Variants in SMG6 observed in about 807,000 individuals in gnomAD.
The protein encoded by SMG6 is telomerase-binding protein EST1A.
In SMG6, 66 loss-of-function variants were observed where a neutral mutation model predicts 142.2. The observed-to-expected ratio is 0.46, with a 90% CI of 0.38 to 0.57. The LOEUF (loss-of-function observed/expected upper bound fraction) is 0.57. SMG6 is among the 20% of genes least tolerant of loss of function. The pLI, the probability that SMG6 is intolerant of heterozygous loss-of-function variation, is 0.00. For missense variants in SMG6, 1,793 were observed against 1,832.0 expected (o/e 0.98, Z 0.39); for synonymous variants, 779 against 702.4 (o/e 1.11, Z -1.72).
At chr17:2,179,999 C>T (rs2071757546) in intron 12 of SMG6, among the ~76,000 whole-genome samples, 1 of 152,210 alleles carries the variant, frequency 6.6e-6, no homozygotes, top group Admixed American at 6.5e-5. Flanking sequence ...AACTAGAAAT[C>T]AGGATAAGTG....
chr17:2,175,046 C>G (rs1047393575), intron 12 of SMG6, among the ~76,000 whole-genome samples: 1 of 152,176 alleles, frequency 6.6e-6, no homozygotes, highest in Non-Finnish European at 1.5e-5. Context: ...TCAGGGCCGC[C>G]TCCGAGGTTA....
chr17:2,243,403 G>A (rs543262735), intron 9 of SMG6, among the ~76,000 whole-genome samples: 4 of 152,310 alleles, frequency 2.6e-5, no homozygotes, highest in South Asian at 2.1e-4. Context: ...CTTCTAGGCC[G>A]GGCGTGGTGG....
Position 2,061,380 on chromosome 17 carries a change from A to T in SMG6, c.*112T>A. 1 of 1,077,082 alleles carries T rather than the reference A, an allele frequency of 9.3e-7. No homozygotes were observed. Among genetic ancestry groups the T allele is most frequent in the Non-Finnish European group, 1.3e-6 (1 of 757,344 alleles). The allele number at this position is 1,077,082 out of a possible 1,614,324, so 66.7% of individuals were successfully genotyped here. ...GGCGTGGGTTGGAAGAGGATGGTTT[A>T]TTGTCTGGGTGGATTGGTGGCTCAG... On this transcript the variant is annotated 3_prime_UTR_variant, in exon 19 of 19. Coordinates refer to ENST00000263073, the MANE Select transcript of SMG6 (RefSeq NM_017575.5).
chr17:2,244,872 C>A, intron 8 of SMG6, 153 bp from the exon 9 acceptor site: 1 of 639,010 alleles, frequency 1.6e-6, no homozygotes, highest in Non-Finnish European at 2.8e-6. Flanking sequence ...CTCTCACAGA[C>A]CCAGGGCACA....
At chr17:2,283,785 C>A (rs775881167) in intron 6 of SMG6, 50 bp from the exon 7 acceptor site, 24 of 1,449,638 alleles carry the variant, frequency 1.7e-5, no homozygotes, top group Middle Eastern at 3.5e-4. Context: ...CGTCCTAACT[C>A]CAGCAAGAGG....
At chr17:2,061,895 G>A in intron 18 of SMG6, 2 of 409,990 alleles carry the variant, frequency 4.9e-6, no homozygotes, top group Non-Finnish European at 9.2e-6. Context: ...AAACCCGTCA[G>A]CCTCCCAGGA....
rs2074623521 is a variant in SMG6 at position 2,275,253 on chromosome 17, C to G, written c.2661+7394G>C. On this transcript the variant is annotated intron_variant, in intron 8 of 18. Transcript: ENST00000263073. Reference sequence around the variant, plus strand: ...CCTGGCCAACATGGTGAAACCCCATCTCTACTAACAATACAAAAATCAGCT... The same window carrying G: ...CCTGGCCAACATGGTGAAACCCCATGTCTACTAACAATACAAAAATCAGCT... 1.3e-5 allele frequency among the ~76,000 whole-genome samples: 2 copies of G among 152,214 alleles called. 1 individual carries two copies. Among genetic ancestry groups the G allele is most frequent in the Middle Eastern group, 6.8e-3 (2 of 294 alleles).
At chr17:2,261,240 G>T (rs560986290) in intron 8 of SMG6, among the ~76,000 whole-genome samples, 1 of 152,028 alleles carries the variant, frequency 6.6e-6, no homozygotes, top group Non-Finnish European at 1.5e-5. Flanking sequence ...CTTGAACCCG[G>T]GAGGCGGAGC....
chr17:2,127,741 T>C (rs2069948027), intron 13 of SMG6: 3 of 560,258 alleles, frequency 5.4e-6, no homozygotes, highest in Admixed American at 1.9e-5. Flanking sequence ...TTTTAACTGA[T>C]GTAGTTTGAG....
At chr17:2,192,987 A>G (rs1339023579) in intron 10 of SMG6, among the ~76,000 whole-genome samples, 1 of 152,252 alleles carries the variant, frequency 6.6e-6, no homozygotes, top group African/African-American at 2.4e-5. Context: ...TTCATGCACA[A>G]TGGCAAAACA....
At chr17:2,128,263 G>A (rs1299791702) in intron 13 of SMG6, among the ~76,000 whole-genome samples, 1 of 152,202 alleles carries the variant, frequency 6.6e-6, no homozygotes, top group Admixed American at 6.5e-5. Flanking sequence ...GCGGTCAAGT[G>A]CAGGGAGGGC....
At chr17:2,286,647 C>G (rs866319107) in intron 6 of SMG6, among the ~76,000 whole-genome samples, 1 of 152,058 alleles carries the variant, frequency 6.6e-6, no homozygotes, top group Admixed American at 6.5e-5. Context: ...AAGTCTAAAA[C>G]TCTAAGAAGA....
chr17:2,099,853 C>G (rs1473559963), intron 13 of SMG6, among the ~76,000 whole-genome samples: 2 of 152,054 alleles, frequency 1.3e-5, no homozygotes, highest in Non-Finnish European at 2.9e-5. Flanking sequence ...ATTAAAAATG[C>G]AGATTCCCGA....
chr17:2,071,615 T>C lies in SMG6; in HGVS notation c.3682-2684A>G, dbSNP rs1388492210. Among the ~76,000 whole-genome samples the C allele has an allele frequency of 6.6e-6, 1 of 152,170 alleles. No individual in the cohort carries two copies. Among genetic ancestry groups the C allele is most frequent in the Non-Finnish European group, 1.5e-5 (1 of 68,028 alleles). On this transcript the variant is annotated intron_variant, in intron 15 of 18. Coordinates refer to ENST00000263073, the MANE Select transcript of SMG6 (RefSeq NM_017575.5). This position sits in a 1 kb window ranked among gnomAD's most constrained non-coding sequence, Gnocchi z 5.6. ...CAGGGACGCCCGCAGACAACTTCCC[T>C]TAACCTGGCTCTGCCCAGTGAGTCA... is the stretch of plus-strand genomic sequence containing the variant.
At chr17:2,278,746 G>A (rs73293573) in intron 8 of SMG6, among the ~76,000 whole-genome samples, 8,698 of 151,970 alleles carry the variant, frequency 0.057, 812 homozygotes, top group African/African-American at 0.2. Context: ...TTCTGTGCAC[G>A]TATAAAAATA....
In SMG6 at chr17:2,292,897, A is replaced by G; in HGVS notation, c.2232T>C (p.Asp744=). ...DIARYREQAS[D]TANYGKARSW... The stretch of plus-strand genomic sequence containing the variant: ...TGCGTGCTTTCCCATAATTCGCTGT[A>G]TCACTGGCTTGCTCCCGGTACCTAG... The change falls in exon 5 of 19, where the codon GAT becomes GAC. Residue 744 remains aspartate (D), a synonymous_variant. Transcript: ENST00000263073. 2 of 1,614,138 alleles carry G rather than the reference A, an allele frequency of 1.2e-6. No homozygotes were observed. The highest frequency in any genetic ancestry group is 1.7e-6 in the Non-Finnish European group (2 of 1,179,992).
intron 8 of SMG6, among the ~76,000 whole-genome samples, chr17:2,282,390 CAA>C (rs576759563): frequency 0.017 from 1,410 of 84,446 alleles, 11 homozygotes; most frequent in East Asian, 0.05. Flanking sequence ...CAAAAAGCAG[CAA>C]AAAAAAAAAA....
intron 10 of SMG6, among the ~76,000 whole-genome samples, chr17:2,228,149 C>T (rs929077767): frequency 1.3e-5 from 2 of 152,166 alleles, no homozygotes; most frequent in Admixed American, 6.5e-5. Context: ...CTATAACCTC[C>T]ACCTCCTGGG....
In SMG6 at chr17:2,300,265, AC is replaced by A; in HGVS notation, c.487del (p.Val163TrpfsTer10). ...CTGGTTGAGGACTTCTTCCTCCTCC[AC>A]CCGACTGGCGGATTCTTTGCTAACA... ...QTVSKESASR[V>X]EEEEVLNQVE... On this transcript the variant is annotated frameshift_variant, in exon 2 of 19. Coordinates refer to ENST00000263073, the MANE Select transcript of SMG6 (RefSeq NM_017575.5). LOFTEE classifies it high-confidence loss of function. 6.2e-7 allele frequency: 1 copy of A among 1,613,956 alleles called. No homozygotes were observed.
Sources: allele counts gnomAD v4.1 joint callset (sites outside exome capture counted in the v4.1 genomes callset), GRCh38; gene constraint gnomAD v4.1.1; non-coding constraint Gnocchi (gnomAD v3.1); transcripts MANE v1.5; gene names NCBI Gene and HGNC (gene_info 2026-07-23, HGNC 2026-07-21).